Variants in RBM17 observed in about 807,000 individuals in gnomAD.
RBM17 encodes the protein splicing factor 45.
In RBM17, 7 loss-of-function variants were observed where a neutral mutation model predicts 53.2. That is an observed-to-expected ratio of 0.13 (90% CI 0.07 to 0.25). The LOEUF (loss-of-function observed/expected upper bound fraction) is 0.25, where lower values mean the gene tolerates loss of function less well. RBM17 is among the 10% of genes least tolerant of loss of function. The probability of loss-of-function intolerance (pLI) is 1.00; values close to 1 mark genes in which losing one functional copy is unlikely to be tolerated. For synonymous variants in RBM17, 167 were observed against 178.1 expected, an observed-to-expected ratio of 0.94 and a Z score of 0.50; for missense variants, 257 against 496.7, an observed-to-expected ratio of 0.52 and a Z score of 4.59.
At chr10:6,090,352 C>T (rs935074096) in intron 1 of RBM17, among the ~76,000 whole-genome samples, 5 of 152,154 alleles carry the variant, frequency 3.3e-5, no homozygotes, top group Non-Finnish European at 7.4e-5. Flanking sequence ...AGGCTGCAGA[C>T]ATTTTGATCG....
chr10:6,099,174 C>T (rs1274158881), intron 2 of RBM17, among the ~76,000 whole-genome samples: 2 of 151,928 alleles, frequency 1.3e-5, no homozygotes, highest in Non-Finnish European at 2.9e-5. Context: ...TGTGAGCCAC[C>T]GTGCCCGGCC....
chr10:6,097,565 G>A (rs1425619712), intron 2 of RBM17, among the ~76,000 whole-genome samples: 2 of 152,228 alleles, frequency 1.3e-5, no homozygotes, highest in Admixed American at 1.3e-4. Context: ...CAGCTACTCG[G>A]GAGGCTGAGG....
At chr10:6,115,142 T>A (rs1840895732) in intron 10 of RBM17, 97 bp from the exon 11 acceptor site, 2 of 920,240 alleles carry the variant, frequency 2.2e-6, no homozygotes, top group African/African-American at 3.4e-5. Context: ...TATATGATGA[T>A]AATTAGAATA....
chr10:6,100,619 A>G (rs1212460004), intron 2 of RBM17, among the ~76,000 whole-genome samples: 1 of 152,198 alleles, frequency 6.6e-6, no homozygotes, highest in African/African-American at 2.4e-5. Flanking sequence ...TTCTTAATCA[A>G]GACACTTAAA....
intron 3 of RBM17, among the ~76,000 whole-genome samples, chr10:6,102,880 G>A (rs996580746): frequency 6.6e-6 from 1 of 152,128 alleles, no homozygotes; most frequent in African/African-American, 2.4e-5. Flanking sequence ...GCTCACTGCA[G>A]CCTCCTCCTC....
intron 7 of RBM17, among the ~76,000 whole-genome samples, chr10:6,110,679 T>A (rs1840823987): frequency 6.6e-6 from 1 of 152,238 alleles, no homozygotes; most frequent in African/African-American, 2.4e-5. Flanking sequence ...GAGGATATTC[T>A]GTGTTGTTGA....
chr10:6,104,390 C>T (rs1840715913), intron 3 of RBM17, among the ~76,000 whole-genome samples: 1 of 152,176 alleles, frequency 6.6e-6, no homozygotes, highest in Non-Finnish European at 1.5e-5. Context: ...AACTCAGTGC[C>T]TGAAATGCAG....
At chr10:6,094,068 G>A (rs1840531523) in intron 1 of RBM17, among the ~76,000 whole-genome samples, 1 of 149,216 alleles carries the variant, frequency 6.7e-6, no homozygotes, top group South Asian at 2.1e-4. Flanking sequence ...TCTGCCTTCT[G>A]GGTTCACGCC....
chr10:6,103,001 A>C lies in RBM17; in HGVS notation c.240+1614A>C, dbSNP rs575880836. Among the ~76,000 whole-genome samples the C allele has an allele frequency of 4.6e-5, 7 of 152,286 alleles. No homozygotes were observed. In the South Asian group the frequency reaches 1.2e-3, roughly 27 times the overall value. On this transcript the variant is annotated intron_variant, in intron 3 of 11. Transcript: ENST00000379888. ...GAGATGAGGTTTCACCATGTTGCCC[A>C]GGCTAGTTTTGAACTCCTGAGCTCA...
chr10:6,113,165 G>A (rs1370066034), intron 8 of RBM17: 2 of 217,086 alleles, frequency 9.2e-6, no homozygotes, highest in Non-Finnish European at 1.9e-5. Flanking sequence ...CCCTGGGCCC[G>A]TGACCTTGAA....
chr10:6,105,154 T>TA (rs1840729605), intron 4 of RBM17, 57 bp downstream of exon 4: 1 of 1,529,970 alleles, frequency 6.5e-7, no homozygotes, highest in Non-Finnish European at 9.0e-7. Flanking sequence ...ATTAAAATGT[T>TA]AACGAATGAG....
At position 6,092,405 on chromosome 10, in the gene RBM17, C is replaced by T. The variant is rs193123104; in HGVS notation, c.-19+3212C>T. ...ATTGTATATTAAATGCTTAATATAG[C>T]GAAAATAAAGAATACACACTTTTTA... On this transcript the variant is annotated intron_variant, in intron 1 of 11. Transcript: ENST00000379888. 4.1e-3 allele frequency among the ~76,000 whole-genome samples: 615 copies of T among 151,522 alleles called. 5 individuals carry two copies. The highest frequency in any genetic ancestry group is 0.014 in the African/African-American group (584 of 41,236).
chr10:6,090,802 G>T lies in RBM17; in HGVS notation c.-19+1609G>T, dbSNP rs1422457853. ...TATGGCATTTTGGTAACAGCCAGAGGGTGGGATTGAATGGAAAGATTAAAC... is the reference window on the plus strand; with the variant it reads ...TATGGCATTTTGGTAACAGCCAGAGTGTGGGATTGAATGGAAAGATTAAAC... On this transcript the variant is annotated intron_variant, in intron 1 of 11. Coordinates refer to ENST00000379888, the MANE Select transcript of RBM17 (RefSeq NM_032905.5). 2.6e-5 allele frequency among the ~76,000 whole-genome samples: 4 copies of T among 151,960 alleles called. No homozygotes were observed. The East Asian group carries it at 7.7e-4, about 29-fold the overall frequency.
At chr10:6,111,142 G>A (rs936584433) in intron 7 of RBM17, among the ~76,000 whole-genome samples, 2 of 152,216 alleles carry the variant, frequency 1.3e-5, no homozygotes, top group Admixed American at 6.5e-5. Flanking sequence ...TTAAATACAA[G>A]AAGTAATGTA....
chr10:6,095,593 G>C (rs1036850359), intron 1 of RBM17, among the ~76,000 whole-genome samples: 1 of 152,134 alleles, frequency 6.6e-6, no homozygotes, highest in Non-Finnish European at 1.5e-5. Context: ...GCTTCTCTAC[G>C]GCCTTGCGGG....
At chr10:6,097,458 G>A (rs1840593025) in intron 2 of RBM17, among the ~76,000 whole-genome samples, 1 of 152,220 alleles carries the variant, frequency 6.6e-6, no homozygotes, top group Non-Finnish European at 1.5e-5. Context: ...CAGCATTTTG[G>A]GAGGCCAAGG....
chr10:6,103,447 G>A (rs533724531), intron 3 of RBM17, among the ~76,000 whole-genome samples: 17 of 152,160 alleles, frequency 1.1e-4, no homozygotes, highest in Non-Finnish European at 1.9e-4. Context: ...CATATTGACA[G>A]TTTGTTCTCT....
intron 1 of RBM17, among the ~76,000 whole-genome samples, chr10:6,095,008 T>C (rs1840551079): frequency 6.6e-6 from 1 of 152,194 alleles, no homozygotes; most frequent in Non-Finnish European, 1.5e-5. Context: ...GAAGTGGACA[T>C]CAGGGGATTC....
intron 1 of RBM17, among the ~76,000 whole-genome samples, chr10:6,095,518 C>T (rs1588343122): frequency 6.6e-6 from 1 of 152,274 alleles, no homozygotes; most frequent in East Asian, 1.9e-4. Context: ...CTGACCATCC[C>T]TTCATTCTTA....
Sources: allele counts gnomAD v4.1 joint callset (sites outside exome capture counted in the v4.1 genomes callset), GRCh38; gene constraint gnomAD v4.1.1; transcripts MANE v1.5; gene names NCBI Gene and HGNC (gene_info 2026-07-23, HGNC 2026-07-21).